Variants in SORCS2 observed in about 807,000 individuals in gnomAD.
SORCS2 encodes the protein sortilin related VPS10 domain containing receptor 2.
SORCS2 carries 100 observed loss-of-function variants against 141.6 expected under a neutral mutation model. That is an observed-to-expected ratio of 0.71 (90% CI 0.60 to 0.83). The LOEUF (loss-of-function observed/expected upper bound fraction) is 0.83. Ranked by LOEUF, SORCS2 falls within the 40% of genes least tolerant of loss-of-function variation. SORCS2 has a pLI of 0.00. For synonymous variants in SORCS2, 789 were observed against 676.9 expected (o/e 1.17, Z -2.57); for missense variants, 1,646 against 1,560.2 (o/e 1.05, Z -0.93).
chr4:7,272,572 G>A (rs1008825640), intron 1 of SORCS2, among the ~76,000 whole-genome samples: 1 of 152,234 alleles, frequency 6.6e-6, no homozygotes, highest in African/African-American at 2.4e-5. Flanking sequence ...AAATCACTAG[G>A]CACGTGCCCA....
chr4:7,306,951 G>A (rs112932700), intron 1 of SORCS2, among the ~76,000 whole-genome samples: 5,269 of 152,296 alleles, frequency 0.035, 141 homozygotes, highest in Middle Eastern at 0.061. Context: ...ATTTGACAAA[G>A]AAGGGTCTCC....
chr4:7,644,863 C>T (rs1186007140), intron 4 of SORCS2, among the ~76,000 whole-genome samples: 1 of 152,238 alleles, frequency 6.6e-6, no homozygotes, highest in South Asian at 2.1e-4. Context: ...TGCACCCATG[C>T]AGGTTTCAGC....
At chr4:7,441,188 G>A (rs573656360) in intron 2 of SORCS2, among the ~76,000 whole-genome samples, 1 of 152,210 alleles carries the variant, frequency 6.6e-6, no homozygotes, top group Non-Finnish European at 1.5e-5. Flanking sequence ...GGCAGGTGAA[G>A]AGTGAGGCTA....
chr4:7,368,529 G>C (rs1401822951), intron 1 of SORCS2, among the ~76,000 whole-genome samples: 1 of 152,156 alleles, frequency 6.6e-6, no homozygotes, highest in East Asian at 1.9e-4. Context: ...ACCATGCTGG[G>C]TGCCAGGAGC....
intron 3 of SORCS2, among the ~76,000 whole-genome samples, chr4:7,625,648 C>A (rs969561088): frequency 2.7e-5 from 4 of 148,182 alleles, no homozygotes; most frequent in Admixed American, 2.0e-4. Context: ...ACCCAGCACT[C>A]TTCATTAACC....
intron 11 of SORCS2, among the ~76,000 whole-genome samples, 176 bp downstream of exon 11, chr4:7,689,764 G>T (rs1285322376): frequency 6.6e-6 from 1 of 152,276 alleles, no homozygotes; most frequent in Non-Finnish European, 1.5e-5. Flanking sequence ...AGAAATGAAT[G>T]CATGGCCCAG....
At chr4:7,354,362 C>G (rs1245310795) in intron 1 of SORCS2, among the ~76,000 whole-genome samples, 1 of 152,118 alleles carries the variant, frequency 6.6e-6, no homozygotes, top group Non-Finnish European at 1.5e-5. Flanking sequence ...TGCCAGGTAC[C>G]CGCTGGGGGC....
chr4:7,389,973 G>A (rs904914229), intron 1 of SORCS2, among the ~76,000 whole-genome samples: 2 of 152,128 alleles, frequency 1.3e-5, no homozygotes, highest in Non-Finnish European at 2.9e-5. Flanking sequence ...TGTGAGCGAC[G>A]AAATGAAGCT....
chr4:7,434,028 G>T (rs560160670), intron 2 of SORCS2: 2 of 1,611,550 alleles, frequency 1.2e-6, no homozygotes, highest in Admixed American at 1.7e-5. Flanking sequence ...TCTGCATCTC[G>T]CTCTGTTTCC....
rs182311719 is a variant in SORCS2, at chr4:7,702,528, G to T, written c.1669-752G>T. On this transcript the variant is annotated intron_variant, in intron 12 of 26. Transcript: ENST00000507866. ...CCCATCCTGGGGCTGTTTGCCAAGC[G>T]AGGCCACCCTCAGTGTCCCCTCCCG... Among the ~76,000 whole-genome samples the T allele has an allele frequency of 8.3e-3, 1,269 of 152,336 alleles. 18 individuals are homozygous for T. Among genetic ancestry groups the T allele is most frequent in the African/African-American group, 0.028 (1,175 of 41,582 alleles).
At chr4:7,725,419 C>T (rs1727149366) in intron 20 of SORCS2, 132 bp downstream of exon 20, 6 of 1,320,454 alleles carry the variant, frequency 4.5e-6, no homozygotes, top group Admixed American at 2.8e-5. Context: ...CCTTGGGCCC[C>T]TCCTGGGGCA....
intron 1 of SORCS2, among the ~76,000 whole-genome samples, chr4:7,372,772 G>T (rs1316970764): frequency 4.6e-5 from 7 of 152,012 alleles, no homozygotes; most frequent in Non-Finnish European, 1.0e-4. Context: ...GACCCCCTGA[G>T]TCTGTTTTCC....
intron 10 of SORCS2, among the ~76,000 whole-genome samples, chr4:7,684,827 C>T (rs867656515): frequency 6.6e-6 from 1 of 152,140 alleles, no homozygotes; most frequent in Admixed American, 6.5e-5. Flanking sequence ...CCCACCACCA[C>T]CACCAGCCCC....
rs1021390458 is a variant in SORCS2 at position 7,664,590 on chromosome 4, A to G, written c.1071+119A>G. ...AATAAAACGGGTATTTCACTCTCAA[A>G]TGCTACTTCGCAGGTCACGGTTTCT... is the stretch of plus-strand genomic sequence containing the variant. On this transcript the variant is annotated intron_variant, in intron 7 of 26. Coordinates refer to ENST00000507866, the MANE Select transcript of SORCS2 (RefSeq NM_020777.3). The surrounding 1 kb of genome is among the most constrained non-coding windows in gnomAD (Gnocchi z 4.7). 7 of 687,726 alleles carry G rather than the reference A, an allele frequency of 1.0e-5. No individual in the cohort carries two copies. In the African/African-American group the frequency reaches 1.3e-4, roughly 13 times the overall value. 42.6% of individuals were successfully genotyped at this position (687,726 alleles called of 1,614,324 possible).
intron 1 of SORCS2, among the ~76,000 whole-genome samples, chr4:7,383,489 G>A (rs967202023): frequency 6.6e-6 from 1 of 152,198 alleles, no homozygotes. Context: ...TGAACATATG[G>A]TTGTCTGGCT....
chr4:7,695,744 A>G (rs374501687), intron 11 of SORCS2, among the ~76,000 whole-genome samples: 935 of 2,140 alleles, frequency 0.44, 380 homozygotes, highest in African/African-American at 0.51. Context: ...TGGTGGGTGG[A>G]TGGATGGATG....
At chr4:7,218,200 A>G (rs2108756080) in intron 1 of SORCS2, among the ~76,000 whole-genome samples, 1 of 152,272 alleles carries the variant, frequency 6.6e-6, no homozygotes, top group Non-Finnish European at 1.5e-5. Flanking sequence ...AGAAATCCCC[A>G]ACGAGTAGAT....
At chr4:7,679,591 G>A (rs28399822) in intron 9 of SORCS2, among the ~76,000 whole-genome samples, 2 of 152,306 alleles carry the variant, frequency 1.3e-5, no homozygotes, top group Admixed American at 6.5e-5. Flanking sequence ...GACCGCGGCC[G>A]CACGCCAGGG....
At chr4:7,491,299 C>T (rs1180882943) in intron 2 of SORCS2, among the ~76,000 whole-genome samples, 2 of 152,218 alleles carry the variant, frequency 1.3e-5, no homozygotes, top group Non-Finnish European at 2.9e-5. Context: ...CTCCAGGAAG[C>T]CAGTTGTGGT....
Sources: allele counts gnomAD v4.1 joint callset (sites outside exome capture counted in the v4.1 genomes callset), GRCh38; gene constraint gnomAD v4.1.1; non-coding constraint Gnocchi (gnomAD v3.1); transcripts MANE v1.5; gene names NCBI Gene and HGNC (gene_info 2026-07-23, HGNC 2026-07-21).